Variants in RFX3 observed in about 807,000 individuals in gnomAD.
RFX3 encodes the protein transcription factor RFX3.
In RFX3, 14 loss-of-function variants were observed where a neutral mutation model predicts 98.6. The ratio of observed to expected loss-of-function variants is 0.14; its 90% CI spans 0.09 to 0.22. RFX3 has a LOEUF of 0.22. Ranked by LOEUF, RFX3 falls within the 10% of genes least tolerant of loss-of-function variation. RFX3 has a pLI of 1.00. For missense variants in RFX3, 639 were observed against 926.9 expected (o/e 0.69, Z 4.03); for synonymous variants, 383 against 328.4 (o/e 1.17, Z -1.80).
At chr9:3,326,791 A>G (rs1563931104) in intron 4 of RFX3, among the ~76,000 whole-genome samples, 1 of 152,320 alleles carries the variant, frequency 6.6e-6, no homozygotes, top group South Asian at 2.1e-4. Context: ...AAACTTTGCC[A>G]TAGGAACTGG....
intron 1 of RFX3, among the ~76,000 whole-genome samples, chr9:3,504,900 TTATATATATATATAATATAACATATATTA>T (rs1816689097): frequency 4.8e-5 from 3 of 62,726 alleles, no homozygotes; most frequent in African/African-American, 2.8e-4. Context: ...ATAACATATA[TTATATATATATATAATATAACATATATTA>T]TATATAATAT....
At chr9:3,380,750 C>T (rs920863756) in intron 2 of RFX3, among the ~76,000 whole-genome samples, 1 of 152,116 alleles carries the variant, frequency 6.6e-6, no homozygotes, top group Non-Finnish European at 1.5e-5. Flanking sequence ...ATAATTTAAG[C>T]TCAAACATTA....
At chr9:3,472,609 G>A (rs1848871000) in intron 1 of RFX3, among the ~76,000 whole-genome samples, 2 of 152,106 alleles carry the variant, frequency 1.3e-5, no homozygotes, top group African/African-American at 4.8e-5. Flanking sequence ...AAAAGATACG[G>A]ATTTAGAGCC....
At chr9:3,265,618 G>A (rs1823526741) in intron 12 of RFX3, among the ~76,000 whole-genome samples, 1 of 152,142 alleles carries the variant, frequency 6.6e-6, no homozygotes, top group Non-Finnish European at 1.5e-5. Context: ...TGGCTAGTAG[G>A]AGACAAAGTA....
chr9:3,366,706 C>CT (rs1554681280), intron 2 of RFX3, among the ~76,000 whole-genome samples: 3 of 88,716 alleles, frequency 3.4e-5, no homozygotes, highest in African/African-American at 8.8e-5. Context: ...TTCTTTCTTT[C>CT]TTTCTTTCTT....
chr9:3,326,043 T>A (rs1195577386), intron 4 of RFX3, among the ~76,000 whole-genome samples: 2 of 152,112 alleles, frequency 1.3e-5, no homozygotes, highest in East Asian at 3.8e-4. Context: ...TGAACCCATA[T>A]CCAGTGATGA....
intron 1 of RFX3, among the ~76,000 whole-genome samples, chr9:3,404,869 T>C (rs1009883082): frequency 6.6e-6 from 1 of 152,162 alleles, no homozygotes; most frequent in Non-Finnish European, 1.5e-5. Context: ...ACCAAACTTG[T>C]TCAGAAGAGT....
chr9:3,396,363 C>T (rs1840874753), intron 1 of RFX3, among the ~76,000 whole-genome samples: 1 of 152,078 alleles, frequency 6.6e-6, no homozygotes, highest in South Asian at 2.1e-4. Flanking sequence ...CTACAAAGGA[C>T]ATTAACTCAT....
chr9:3,298,750 T>C (rs538121765), intron 5 of RFX3, among the ~76,000 whole-genome samples: 1 of 151,848 alleles, frequency 6.6e-6, no homozygotes, highest in African/African-American at 2.4e-5. Context: ...AGCAATCAAG[T>C]TGGATTCTGC....
chr9:3,443,566 T>A (rs563989131), intron 1 of RFX3, among the ~76,000 whole-genome samples: 106 of 152,340 alleles, frequency 7.0e-4, no homozygotes, highest in African/African-American at 2.5e-3. Flanking sequence ...TAATATTACA[T>A]GGTGTATATG....
intron 1 of RFX3, among the ~76,000 whole-genome samples, chr9:3,508,533 AAAG>A (rs1817339012): frequency 6.6e-6 from 1 of 151,918 alleles, no homozygotes; most frequent in East Asian, 1.9e-4. Flanking sequence ...AAAAAATGAT[AAAG>A]AATAAAAAAG....
chr9:3,470,508 T>G (rs796225324), intron 1 of RFX3, among the ~76,000 whole-genome samples: 1 of 148,424 alleles, frequency 6.7e-6, no homozygotes, highest in South Asian at 2.1e-4. Context: ...TTTTTTTTTT[T>G]AGTAGAGACG....
chr9:3,403,476 TC>T (rs1841670713), intron 1 of RFX3, among the ~76,000 whole-genome samples: 1 of 152,304 alleles, frequency 6.6e-6, no homozygotes, highest in Admixed American at 6.5e-5. Context: ...GCAGTCATCT[TC>T]CTGTGATAAC....
chr9:3,486,892 C>A (rs574871264), intron 1 of RFX3, among the ~76,000 whole-genome samples: 1 of 152,084 alleles, frequency 6.6e-6, no homozygotes, highest in African/African-American at 2.4e-5. Flanking sequence ...TTTAAATGCA[C>A]ATTTGGGTAA....
At chr9:3,436,569 GTCA>G (rs1845144629) in intron 1 of RFX3, among the ~76,000 whole-genome samples, 1 of 152,030 alleles carries the variant, frequency 6.6e-6, no homozygotes, top group African/African-American at 2.4e-5. Flanking sequence ...CAAAACATTT[GTCA>G]TCAATGGACA....
intron 4 of RFX3, among the ~76,000 whole-genome samples, chr9:3,319,516 TG>T (rs1831013375): frequency 1.3e-5 from 2 of 152,188 alleles, no homozygotes; most frequent in Non-Finnish European, 2.9e-5. Context: ...TTCACTCTCT[TG>T]CTATCCAATC....
intron 1 of RFX3, among the ~76,000 whole-genome samples, chr9:3,517,536 G>T (rs1221941933): frequency 6.6e-6 from 1 of 152,116 alleles, no homozygotes; most frequent in Non-Finnish European, 1.5e-5. Flanking sequence ...AGAACCTTCA[G>T]AAATCTTGAC....
rs1350245490 is a variant in RFX3 at position 3,366,706 on chromosome 9, CTTTCTTTCTTTCTTTCTT to C, written c.118-19960_118-19943del. Among the ~76,000 whole-genome samples, 630 of 88,800 alleles carry C rather than the reference CTTTCTTTCTTTCTTTCTT, an allele frequency of 7.1e-3. 3 individuals are homozygous for C. Among genetic ancestry groups the C allele is most frequent in the Non-Finnish European group, 0.012 (535 of 42,932 alleles). 58.3% of individuals were successfully genotyped at this position (88,800 alleles called of 152,430 possible). On this transcript the variant is annotated intron_variant, in intron 2 of 16. Coordinates refer to ENST00000617270, the MANE Select transcript of RFX3 (RefSeq NM_001282116.2). ...TCTTCTTTCTTTCCTTTCTTTCTTT[CTTTCTTTCTTTCTTTCTT>C]TCTTTCTTTCTTTCTTTCTTTCTTT...
chr9:3,263,230 T>A, intron 12 of RFX3, 146 bp from the exon 13 acceptor site: 1 of 820,638 alleles, frequency 1.2e-6, no homozygotes, highest in Non-Finnish European at 1.9e-6. Flanking sequence ...AGTTTACTTG[T>A]AAATTACAGC....
Sources: gnomAD v4.1 joint callset for allele counts (sites outside exome capture counted in the v4.1 genomes callset) on GRCh38, gnomAD v4.1.1 for gene constraint, MANE v1.5 for transcripts, NCBI Gene and HGNC (gene_info 2026-07-23, HGNC 2026-07-21) for gene names.